The following HECW2 variants were observed in gnomAD, a reference collection of about 807,000 sequenced individuals.
HECW2 encodes HECT, C2 and WW domain containing E3 ubiquitin protein ligase 2.
Under a neutral mutation model 175.2 loss-of-function variants are expected in HECW2, and 61 were observed. The ratio of observed to expected loss-of-function variants is 0.35; its 90% CI spans 0.28 to 0.43. The LOEUF is 0.43. Ranked by LOEUF, HECW2 falls within the 20% of genes least tolerant of loss-of-function variation. HECW2 has a pLI of 1.00. For synonymous variants in HECW2, 671 were observed against 731.0 expected, an observed-to-expected ratio of 0.92 and a Z score of 1.32; for missense variants, 1,524 against 2,000.5, an observed-to-expected ratio of 0.76 and a Z score of 4.54.
intron 1 of HECW2, among the ~76,000 whole-genome samples, chr2:196,468,049 C>T (rs1345257240): frequency 1.3e-5 from 2 of 152,096 alleles, no homozygotes; most frequent in East Asian, 1.9e-4. Flanking sequence ...AGTCTCACTC[C>T]GTTGCCCAGG....
intron 2 of HECW2, among the ~76,000 whole-genome samples, chr2:196,358,548 T>C (rs1490604378): frequency 1.8e-5 from 2 of 111,120 alleles, no homozygotes; most frequent in African/African-American, 3.6e-5. Flanking sequence ...ATCGCGCCAC[T>C]GCACTCCAGC....
At chr2:196,391,976 T>A (rs34932750) in intron 2 of HECW2, among the ~76,000 whole-genome samples, 27 of 152,098 alleles carry the variant, frequency 1.8e-4, no homozygotes, top group African/African-American at 5.8e-4. Context: ...ACAACATTCA[T>A]TGGATTCATT....
rs977710430 is a variant in HECW2 at position 196,405,316 on chromosome 2, A to G, written c.292+27816T>C. Among the ~76,000 whole-genome samples, 7 of 152,150 alleles carry G rather than the reference A, an allele frequency of 4.6e-5. No individual in the cohort carries two copies. The South Asian group carries it at 1.2e-3, about 27-fold the overall frequency. ...TCTTACTTTAGACTCAGGACCACAAATCTTGCAGGGGACTCAATACTGCCA... is the reference window on the plus strand; with the variant it reads ...TCTTACTTTAGACTCAGGACCACAAGTCTTGCAGGGGACTCAATACTGCCA... On this transcript the variant is annotated intron_variant, in intron 2 of 28. Transcript: ENST00000644978.
At chr2:196,418,813 T>C (rs1419178904) in intron 2 of HECW2, among the ~76,000 whole-genome samples, 2 of 152,204 alleles carry the variant, frequency 1.3e-5, no homozygotes, top group Non-Finnish European at 1.5e-5. Context: ...TGATGACTTA[T>C]TAACTATGAT....
intron 2 of HECW2, among the ~76,000 whole-genome samples, chr2:196,412,023 A>G (rs1177341038): frequency 6.6e-6 from 1 of 152,222 alleles, no homozygotes; most frequent in Non-Finnish European, 1.5e-5. Flanking sequence ...AAATAAAAAT[A>G]AATAAATAAA....
At chr2:196,238,775 T>C (rs1472472640) in intron 21 of HECW2, 2 of 152,140 alleles carry the variant, frequency 1.3e-5, no homozygotes, top group Non-Finnish European at 2.9e-5. Context: ...TGTAATCAAA[T>C]ACAGAGGCAT....
rs370841093 is a variant in HECW2 at position 196,433,226 on chromosome 2, G to C, written c.198C>G (p.Tyr66Ter). ...ESRSSLTASM[Y>*]EYTLGQAQNL... ...TCTGGGCTTGCCCCAGCGTGTACTC[G>C]TACATGCTGGCAGTTAAGCTGGAGC... The change falls in exon 2 of 29, where the codon TAC becomes TAG. Residue 66 changes from tyrosine (Y) to a stop codon, truncating the protein, a stop_gained. Coordinates refer to ENST00000644978, the MANE Select transcript of HECW2 (RefSeq NM_001348768.2). LOFTEE classifies it high-confidence loss of function. The C allele has an allele frequency of 6.2e-7, 1 of 1,614,088 alleles. No individual in the cohort carries two copies. Among genetic ancestry groups the C allele is most frequent in the Non-Finnish European group, 8.5e-7 (1 of 1,179,996 alleles).
At chr2:196,482,129 A>G (rs1225830873) in intron 1 of HECW2, among the ~76,000 whole-genome samples, 1 of 152,196 alleles carries the variant, frequency 6.6e-6, no homozygotes, top group African/African-American at 2.4e-5. Flanking sequence ...TCAACCTCTC[A>G]TGGTGCTTTT....
At chr2:196,215,714 G>T in intron 28 of HECW2, 151 bp downstream of exon 28, 10 of 577,674 alleles carry the variant, frequency 1.7e-5, no homozygotes, top group Admixed American at 3.2e-5. Context: ...TTTCCTCTTC[G>T]TTTAGAAAGG....
chr2:196,376,655 G>A (rs573782888), intron 2 of HECW2, among the ~76,000 whole-genome samples: 17 of 148,436 alleles, frequency 1.1e-4, no homozygotes, highest in South Asian at 1.1e-3. Flanking sequence ...AAAAAGGGCC[G>A]GGCATGGTGG....
intron 2 of HECW2, among the ~76,000 whole-genome samples, chr2:196,358,400 CCT>C (rs1379424084): frequency 1.3e-5 from 2 of 151,306 alleles, no homozygotes; most frequent in African/African-American, 2.4e-5. Flanking sequence ...ATGATGAAAC[CCT>C]GTCTCTACTA....
intron 2 of HECW2, among the ~76,000 whole-genome samples, chr2:196,430,254 TA>T (rs1695669768): frequency 6.6e-6 from 1 of 151,960 alleles, no homozygotes; most frequent in Non-Finnish European, 1.5e-5. Context: ...TAACAAAGTG[TA>T]AAAAATCAAA....
intron 2 of HECW2, among the ~76,000 whole-genome samples, chr2:196,414,823 T>C (rs1285146275): frequency 2.0e-5 from 3 of 152,154 alleles, no homozygotes; most frequent in Non-Finnish European, 4.4e-5. Context: ...GTGCAGGTTA[T>C]TGTCAGCACA....
intron 1 of HECW2, among the ~76,000 whole-genome samples, chr2:196,445,644 T>C (rs1162244865): frequency 1.1e-4 from 16 of 152,122 alleles, no homozygotes; most frequent in Admixed American, 6.6e-4. Flanking sequence ...TGTACTGTAA[T>C]GTATAAGTGC....
intron 1 of HECW2, among the ~76,000 whole-genome samples, chr2:196,518,070 C>A (rs945966329): frequency 2.6e-5 from 4 of 152,096 alleles, no homozygotes; most frequent in Non-Finnish European, 4.4e-5. Flanking sequence ...AAGCTTTTAA[C>A]ACACCTGGGA....
chr2:196,252,216 A>ATAATAG (rs1553637359), intron 19 of HECW2, among the ~76,000 whole-genome samples: 19 of 104,114 alleles, frequency 1.8e-4, no homozygotes, highest in African/African-American at 3.8e-4. Context: ...AATAATAATA[A>ATAATAG]GGCTTCAATG....
intron 1 of HECW2, among the ~76,000 whole-genome samples, chr2:196,486,492 A>G (rs1026632022): frequency 5.9e-5 from 9 of 152,170 alleles, no homozygotes; most frequent in South Asian, 2.1e-4. Context: ...CCTCAAGCCC[A>G]TGCATTATTC....
Position 196,344,322 on chromosome 2 carries a change from G to GAAAAA in HECW2, c.293-563_293-559dup, listed in dbSNP as rs60573890. Among the ~76,000 whole-genome samples the GAAAAA allele has an allele frequency of 3.5e-3, 236 of 67,504 alleles. 5 individuals are homozygous for GAAAAA. Among genetic ancestry groups the GAAAAA allele is most frequent in the Middle Eastern group, 0.012 (1 of 84 alleles). The allele number at this position is 67,504 out of a possible 152,430, so 44.3% of individuals were successfully genotyped here. The stretch of plus-strand genomic sequence containing the variant: ...AGGCATAGACCTTGAGACAAGATAA[G>GAAAAA]AAAAAAAAAAAAAAAAAAAAAAGAG... On this transcript the variant is annotated intron_variant, in intron 2 of 28. Coordinates refer to ENST00000644978, the MANE Select transcript of HECW2 (RefSeq NM_001348768.2).
chr2:196,501,542 T>C (rs1687578192), intron 1 of HECW2, among the ~76,000 whole-genome samples: 1 of 152,166 alleles, frequency 6.6e-6, no homozygotes, highest in African/African-American at 2.4e-5. Context: ...TGAGCCACCA[T>C]GCCTGGCCAA....
Sources: allele counts gnomAD v4.1 joint callset (sites outside exome capture counted in the v4.1 genomes callset), GRCh38; gene constraint gnomAD v4.1.1; transcripts MANE v1.5; gene names NCBI Gene and HGNC (gene_info 2026-07-23, HGNC 2026-07-21).